HECW1: variants seen among roughly 807,000 people sequenced by gnomAD.
HECW1 encodes the protein E3 ubiquitin-protein ligase HECW1.
HECW1 carries 61 observed loss-of-function variants against 182.3 expected under a neutral mutation model. The ratio of observed to expected loss-of-function variants is 0.33; its 90% CI spans 0.27 to 0.41. The LOEUF (loss-of-function observed/expected upper bound fraction) is 0.41, where lower values mean the gene tolerates loss of function less well. HECW1 is among the 10% of genes least tolerant of loss of function. HECW1 has a pLI of 1.00. For synonymous variants in HECW1, 859 were observed against 832.6 expected, an observed-to-expected ratio of 1.03 and a Z score of -0.55; for missense variants, 1,739 against 2,108.9, an observed-to-expected ratio of 0.82 and a Z score of 3.44.
At chr7:43,320,843 G>C in intron 5 of HECW1, 101 bp downstream of exon 5, 1 of 852,718 alleles carries the variant, frequency 1.2e-6, no homozygotes, top group East Asian at 2.5e-5. Context: ...CTAAGAAATG[G>C]GCCCTCTAAA....
chr7:43,532,506 A>G (rs954395064), intron 24 of HECW1, among the ~76,000 whole-genome samples: 1 of 152,060 alleles, frequency 6.6e-6, no homozygotes, highest in African/African-American at 2.4e-5. Context: ...GGCATGATCT[A>G]TCCCCTGGGT....
intron 12 of HECW1, among the ~76,000 whole-genome samples, chr7:43,452,061 G>A (rs572014938): frequency 6.6e-6 from 1 of 152,166 alleles, no homozygotes; most frequent in Non-Finnish European, 1.5e-5. Flanking sequence ...CTAATTTAAA[G>A]AAACACAATA....
At chr7:43,209,216 C>T (rs1314612731) in intron 2 of HECW1, among the ~76,000 whole-genome samples, 12 of 152,072 alleles carry the variant, frequency 7.9e-5, no homozygotes, top group Non-Finnish European at 1.3e-4. Flanking sequence ...TGATCGCCAT[C>T]GTGGTAAATG....
At chr7:43,519,836 GC>G (rs1303673894) in intron 24 of HECW1, among the ~76,000 whole-genome samples, 12 of 152,208 alleles carry the variant, frequency 7.9e-5, no homozygotes, top group African/African-American at 2.9e-4. Flanking sequence ...GTAACCCCAA[GC>G]CTGTGTGTAT....
chr7:43,355,159 C>G (rs1441424703), intron 5 of HECW1, among the ~76,000 whole-genome samples: 1 of 152,006 alleles, frequency 6.6e-6, no homozygotes, highest in East Asian at 1.9e-4. Flanking sequence ...ACCCATCATA[C>G]AAGAAATGCT....
intron 6 of HECW1, among the ~76,000 whole-genome samples, chr7:43,392,884 C>T (rs532075339): frequency 6.6e-6 from 1 of 152,308 alleles, no homozygotes; most frequent in East Asian, 1.9e-4. Flanking sequence ...CTGATCTTCA[C>T]ACTCTTTTGC....
chr7:43,552,295 T>C lies in HECW1; in HGVS notation c.4469T>C (p.Ile1490Thr), dbSNP rs538478473. 6.8e-6 allele frequency: 11 copies of C among 1,613,880 alleles called. No homozygotes were observed. The highest frequency in any genetic ancestry group is 3.4e-6 in the Non-Finnish European group (4 of 1,179,900). Residue 1490 changes from isoleucine (I) to threonine (T), a missense_variant, in exon 28 of 30, where the codon ATC (isoleucine) becomes ACC (threonine). By Grantham distance (89) the Ile-to-Thr change is moderately conservative. Around this residue, in one of 5 missense-constraint regions of HECW1, gnomAD observed 420 missense variants for 595.7 expected, o/e 0.71. Coordinates refer to ENST00000395891, the MANE Select transcript of HECW1 (RefSeq NM_015052.5). The part of the protein sequence containing the change: ...LELVIAGTAE[I>T]DLNDWRNNTE... ...CTGGTGATAGCTGGCACCGCGGAAA[T>C]CGACCTAAATGACTGGCGGAATAAC...
intron 5 of HECW1, among the ~76,000 whole-genome samples, chr7:43,340,260 G>A (rs1339059101): frequency 4.0e-5 from 5 of 125,310 alleles, no homozygotes; most frequent in African/African-American, 9.9e-5. Flanking sequence ...TCGCTCTGTC[G>A]CCCAGGCTAG....
chr7:43,192,091 C>T (rs941724516), intron 2 of HECW1, among the ~76,000 whole-genome samples: 3 of 152,016 alleles, frequency 2.0e-5, no homozygotes, highest in Non-Finnish European at 4.4e-5. Flanking sequence ...TCCTGAGTAG[C>T]TGGGATTACA....
intron 11 of HECW1, among the ~76,000 whole-genome samples, chr7:43,448,916 C>A (rs1471015972): frequency 2.0e-5 from 3 of 152,134 alleles, no homozygotes; most frequent in Non-Finnish European, 2.9e-5. Context: ...GATGTGGAAC[C>A]CTGTCCTTGT....
intron 8 of HECW1, among the ~76,000 whole-genome samples, chr7:43,422,793 A>G (rs997911267): frequency 1.3e-5 from 2 of 152,210 alleles, no homozygotes; most frequent in Non-Finnish European, 2.9e-5. Flanking sequence ...GAGACTTATT[A>G]GAAAGGGAAA....
At chr7:43,406,288 G>A (rs2075607345) in intron 7 of HECW1, among the ~76,000 whole-genome samples, 3 of 152,140 alleles carry the variant, frequency 2.0e-5, no homozygotes, top group Non-Finnish European at 4.4e-5. Context: ...AACTGGATTT[G>A]TCTGCCTCCT....
intron 2 of HECW1, among the ~76,000 whole-genome samples, chr7:43,128,026 G>T (rs61697127): frequency 0.026 from 4,024 of 152,016 alleles, 169 homozygotes; most frequent in African/African-American, 0.092. Context: ...CAACAGGTGC[G>T]CACCACCACA....
chr7:43,494,699 A>C (rs775399723), intron 19 of HECW1, among the ~76,000 whole-genome samples: 24 of 152,094 alleles, frequency 1.6e-4, no homozygotes, highest in Non-Finnish European at 3.2e-4. Flanking sequence ...CATTTATTAG[A>C]GGTGGAGTTT....
intron 6 of HECW1, among the ~76,000 whole-genome samples, chr7:43,380,980 G>A (rs1019392888): frequency 4.6e-5 from 7 of 152,190 alleles, no homozygotes; most frequent in African/African-American, 1.7e-4. Flanking sequence ...AGCTCCAGTT[G>A]TTCCACATCC....
At chr7:43,546,563 G>A (rs1253783748) in intron 26 of HECW1, among the ~76,000 whole-genome samples, 2 of 151,594 alleles carry the variant, frequency 1.3e-5, no homozygotes, top group Non-Finnish European at 2.9e-5. Context: ...CCACTTTGAT[G>A]CCTTGGTGTT....
chr7:43,390,727 C>T (rs1374541868), intron 6 of HECW1, among the ~76,000 whole-genome samples: 1 of 151,846 alleles, frequency 6.6e-6, no homozygotes, highest in Non-Finnish European at 1.5e-5. Flanking sequence ...ATTGATTCAT[C>T]TCAAGTGAAT....
At chr7:43,388,171 T>C (rs2074876017) in intron 6 of HECW1, among the ~76,000 whole-genome samples, 1 of 152,196 alleles carries the variant, frequency 6.6e-6, no homozygotes, top group South Asian at 2.1e-4. Context: ...TACACCTGCC[T>C]GTGACCACCT....
At chr7:43,450,765 C>T in intron 11 of HECW1, 63 bp from the exon 12 acceptor site, 1 of 1,049,518 alleles carries the variant, frequency 9.5e-7, no homozygotes, top group Non-Finnish European at 1.5e-6. Context: ...TACAGTCATG[C>T]TTTTTTGATG....
Sources: gnomAD v4.1 joint callset for allele counts (sites outside exome capture counted in the v4.1 genomes callset) on GRCh38, gnomAD v4.1.1 for gene constraint, gnomAD v4.1.1 regional missense constraint, MANE v1.5 for transcripts, NCBI Gene and HGNC (gene_info 2026-07-23, HGNC 2026-07-21) for gene names.